The following SYN2 variants were observed in gnomAD, a reference collection of about 807,000 sequenced individuals.
The protein encoded by SYN2 is synapsin II.
In SYN2, 19 loss-of-function variants were observed where a neutral mutation model predicts 50.9. The observed-to-expected ratio is 0.37, with a 90% CI of 0.26 to 0.55. SYN2 has a LOEUF of 0.55. SYN2 is among the 20% of genes least tolerant of loss of function. The pLI, the probability that SYN2 is intolerant of heterozygous loss-of-function variation, is 0.81. For missense variants in SYN2, 587 were observed against 576.4 expected (o/e 1.02, Z -0.19); for synonymous variants, 255 against 224.9 (o/e 1.13, Z -1.20).
At chr3:12,139,692 A>G (rs1308557393) in intron 1 of SYN2, among the ~76,000 whole-genome samples, 1 of 152,182 alleles carries the variant, frequency 6.6e-6, no homozygotes, top group Non-Finnish European at 1.5e-5. Context: ...TTTGGGGACA[A>G]ACTCCCAAAA....
Position 12,190,932 on chromosome 3 carries a change from C to G in SYN2, c.*307C>G, listed in dbSNP as rs998135555. ...AGTGGCCTTATTGTGACAGTGCCAT[C>G]ATGTCTTATTCTTCCCTGTGAAACC... is the stretch of plus-strand genomic sequence containing the variant. On this transcript the variant is annotated 3_prime_UTR_variant, in exon 13 of 13. Coordinates refer to ENST00000621198, the MANE Select transcript of SYN2 (RefSeq NM_133625.6). 9.9e-6 allele frequency: 11 copies of G among 1,111,398 alleles called. No individual in the cohort carries two copies. The highest frequency in any genetic ancestry group is 3.8e-4 in the Middle Eastern group (1 of 2,622). 68.8% of individuals were successfully genotyped at this position (1,111,398 alleles called of 1,614,324 possible). A position where few individuals can be genotyped will look rare whatever the true frequency, so the allele number is the denominator to read the frequency against.
chr3:12,156,943 C>A (rs1165104930), intron 5 of SYN2: 2 of 1,602,768 alleles, frequency 1.2e-6, no homozygotes. Flanking sequence ...ATCTGACAGG[C>A]AATTACAAAA....
chr3:12,094,385 T>C (rs1228331227), intron 1 of SYN2, among the ~76,000 whole-genome samples: 1 of 152,200 alleles, frequency 6.6e-6, no homozygotes, highest in East Asian at 1.9e-4. Flanking sequence ...GGCACTGTGA[T>C]ATGTACCTTA....
At chr3:12,155,253 A>G (rs998480276) in intron 5 of SYN2, among the ~76,000 whole-genome samples, 1 of 152,248 alleles carries the variant, frequency 6.6e-6, no homozygotes, top group African/African-American at 2.4e-5. Context: ...CAAGGAGCTT[A>G]GAAATGAGTA....
intron 4 of SYN2, among the ~76,000 whole-genome samples, chr3:12,150,501 G>A (rs940185830): frequency 3.3e-5 from 5 of 151,920 alleles, no homozygotes; most frequent in Admixed American, 1.3e-4. Context: ...AAGATGGAGC[G>A]GGGTGGGGGA....
chr3:12,022,168 A>G (rs886964656), intron 1 of SYN2, among the ~76,000 whole-genome samples: 9 of 151,850 alleles, frequency 5.9e-5, no homozygotes, highest in African/African-American at 2.2e-4. Flanking sequence ...TGTGAGTTCC[A>G]TCAGGGCAAA....
intron 1 of SYN2, among the ~76,000 whole-genome samples, chr3:12,132,014 C>T (rs1357624059): frequency 1.3e-5 from 2 of 148,672 alleles, no homozygotes; most frequent in Admixed American, 6.7e-5. Context: ...TTTTTCCTTT[C>T]TTTTCTTTTT....
intron 5 of SYN2, among the ~76,000 whole-genome samples, chr3:12,153,990 C>T (rs1353480582): frequency 6.6e-6 from 1 of 152,170 alleles, no homozygotes; most frequent in African/African-American, 2.4e-5. Context: ...ATTTCTTCAC[C>T]TTAAAATGGA....
chr3:12,098,649 G>A (rs974451252), intron 1 of SYN2, among the ~76,000 whole-genome samples: 3 of 151,108 alleles, frequency 2.0e-5, no homozygotes, highest in African/African-American at 4.9e-5. Flanking sequence ...GAGGAATAGG[G>A]GAATAAAAAA....
chr3:12,158,811 G>T, intron 5 of SYN2: 2 of 1,598,956 alleles, frequency 1.3e-6, no homozygotes. Flanking sequence ...ACAGCACCCA[G>T]CTTGGCGCGG....
chr3:12,187,390 G>C lies in SYN2; in HGVS notation c.1391G>C (p.Gly464Ala). The C allele has an allele frequency of 6.5e-7, 1 of 1,548,008 alleles. No individual in the cohort carries two copies. Among genetic ancestry groups the C allele is most frequent in the Non-Finnish European group, 8.7e-7 (1 of 1,143,980 alleles). The change falls in exon 12 of 13, where the codon GGA becomes GCA. Residue 464 changes from glycine (G) to alanine (A), a missense_variant. Transcript: ENST00000621198. ...PPQGGPGQPQ[G>A]MQPPGKVLPP... ...CTAGGGGGCCCTGGGCAACCCCAAGGAATGCAGCCCCCAGGCAAGGTGCTG... is the reference window on the plus strand; with the variant it reads ...CTAGGGGGCCCTGGGCAACCCCAAGCAATGCAGCCCCCAGGCAAGGTGCTG...
intron 3 of SYN2, among the ~76,000 whole-genome samples, chr3:12,144,970 G>T (rs1201005877): frequency 6.6e-6 from 1 of 152,160 alleles, no homozygotes; most frequent in African/African-American, 2.4e-5. Flanking sequence ...GGCGGAGGTT[G>T]CAATGAGCTG....
chr3:12,040,333 A>G (rs927625367), intron 1 of SYN2, among the ~76,000 whole-genome samples: 6 of 152,118 alleles, frequency 3.9e-5, no homozygotes, highest in Non-Finnish European at 7.3e-5. Flanking sequence ...GAGAATGTTA[A>G]ACACAAAATC....
At chr3:12,024,351 G>C (rs1694209165) in intron 1 of SYN2, among the ~76,000 whole-genome samples, 1 of 151,652 alleles carries the variant, frequency 6.6e-6, no homozygotes, top group African/African-American at 2.4e-5. Flanking sequence ...GTGGAGATGG[G>C]GTTTCACCAT....
chr3:12,128,582 T>C (rs560948226), intron 1 of SYN2, among the ~76,000 whole-genome samples: 1 of 152,358 alleles, frequency 6.6e-6, no homozygotes, highest in South Asian at 2.1e-4. Flanking sequence ...ATTTTTCATA[T>C]TATCATGTGA....
At chr3:12,160,194 T>G (rs911992075) in intron 5 of SYN2, among the ~76,000 whole-genome samples, 16 of 152,312 alleles carry the variant, frequency 1.1e-4, no homozygotes, top group African/African-American at 3.4e-4. Context: ...GTGGGATGTT[T>G]CCACATGGTG....
intron 1 of SYN2, among the ~76,000 whole-genome samples, chr3:12,064,760 C>A (rs948222136): frequency 6.6e-6 from 1 of 151,984 alleles, no homozygotes; most frequent in African/African-American, 2.4e-5. Flanking sequence ...GAAATTGGAA[C>A]CCTTATACAT....
chr3:12,190,715 C>T lies in SYN2; in HGVS notation c.*90C>T. ...GTCAGCCAGCTTGGTGGTTATGTCC[C>T]ATGACCTTGACGTGTGTGGTCCCTT... On this transcript the variant is annotated 3_prime_UTR_variant, in exon 13 of 13. Coordinates refer to ENST00000621198, the MANE Select transcript of SYN2 (RefSeq NM_133625.6). 3 of 1,544,086 alleles carry T rather than the reference C, an allele frequency of 1.9e-6. No individual in the cohort carries two copies. Among genetic ancestry groups the T allele is most frequent in the Non-Finnish European group, 1.7e-6 (2 of 1,148,040 alleles).
At chr3:12,047,148 GAGA>G (rs58983048) in intron 1 of SYN2, among the ~76,000 whole-genome samples, 14,783 of 152,146 alleles carry the variant, frequency 0.097, 1,383 homozygotes, top group African/African-American at 0.24. Flanking sequence ...TGTATGGAAA[GAGA>G]AGAATACTTA....
Sources: gnomAD v4.1 joint callset for allele counts (sites outside exome capture counted in the v4.1 genomes callset) on GRCh38, gnomAD v4.1.1 for gene constraint, MANE v1.5 for transcripts, NCBI Gene and HGNC (gene_info 2026-07-23, HGNC 2026-07-21) for gene names.